DNAI3: variants seen among roughly 807,000 people sequenced by gnomAD.
DNAI3 encodes the protein WD repeat domain 63.
A neutral mutation model predicts 115.5 loss-of-function variants in DNAI3; 83 were observed. The ratio of observed to expected loss-of-function variants is 0.72; its 90% CI spans 0.60 to 0.86. The LOEUF (loss-of-function observed/expected upper bound fraction) is 0.86. DNAI3 is among the 40% of genes least tolerant of loss of function. The pLI is 0.00. For synonymous variants in DNAI3, 320 were observed against 347.0 expected (o/e 0.92, Z 0.86); for missense variants, 1,004 against 1,075.8 (o/e 0.93, Z 0.93).
chr1:85,085,466 G>T (rs1017016352), intron 6 of DNAI3, among the ~76,000 whole-genome samples: 1 of 152,206 alleles, frequency 6.6e-6, no homozygotes, highest in Non-Finnish European at 1.5e-5. Flanking sequence ...GCAAAAGTCT[G>T]CAGAGGGAAG....
chr1:85,098,160 C>G (rs1435125871), intron 12 of DNAI3, among the ~76,000 whole-genome samples: 1 of 152,100 alleles, frequency 6.6e-6, no homozygotes. Context: ...ACCTACCCAC[C>G]ATATTATGCA....
chr1:85,128,597 C>T (rs1484624787), intron 20 of DNAI3, 111 bp from the exon 21 acceptor site: 1 of 786,588 alleles, frequency 1.3e-6, no homozygotes, highest in Non-Finnish European at 2.1e-6. Flanking sequence ...TCACTGGAAC[C>T]ACAGCAGGTC....
chr1:85,105,166 T>A (rs1200480686), intron 14 of DNAI3, among the ~76,000 whole-genome samples: 1 of 151,936 alleles, frequency 6.6e-6, no homozygotes, highest in Non-Finnish European at 1.5e-5. Context: ...TTGACCCCAG[T>A]GGAAACAATG....
intron 4 of DNAI3, 137 bp from the exon 5 acceptor site, chr1:85,082,163 G>A: frequency 1.5e-6 from 1 of 659,570 alleles, no homozygotes; most frequent in Middle Eastern, 4.2e-4. Flanking sequence ...TTGCAATTTG[G>A]TGTTATCAGC....
Position 85,126,544 on chromosome 1 carries a change from A to G in DNAI3, c.2146A>G (p.Lys716Glu), listed in dbSNP as rs746201858. 66 of 1,614,026 alleles carry G rather than the reference A, an allele frequency of 4.1e-5. No homozygotes were observed. The highest frequency in any genetic ancestry group is 5.1e-5 in the Non-Finnish European group (60 of 1,180,006). ...GCTCCTTCAGTCATGCTGTGCACCAAAAAGGTACACCTCAGGCCACTGGTC... is the reference window on the plus strand; with the variant it reads ...GCTCCTTCAGTCATGCTGTGCACCAGAAAGGTACACCTCAGGCCACTGGTC... ...GPLLQSCCAP[K>E]RYTSGHWSLT... is the part of the protein sequence containing the mutation. Residue 716 changes from lysine (K) to glutamate (E), a missense_variant, in exon 20 of 23, where the codon AAA (lysine) becomes GAA (glutamate). Transcript: ENST00000294664.
At chr1:85,065,276 A>C (rs950345885) in intron 1 of DNAI3, among the ~76,000 whole-genome samples, 3 of 152,142 alleles carry the variant, frequency 2.0e-5, no homozygotes, top group African/African-American at 7.2e-5. Context: ...GCAACAAATG[A>C]GAGCATGTAA....
intron 3 of DNAI3, among the ~76,000 whole-genome samples, chr1:85,074,360 G>A (rs145066244): frequency 6.6e-6 from 1 of 152,294 alleles, no homozygotes; most frequent in East Asian, 1.9e-4. Flanking sequence ...ACAACTTGCA[G>A]TGGTCCTGGC....
At chr1:85,102,870 A>G (rs986845124) in intron 13 of DNAI3, among the ~76,000 whole-genome samples, 1 of 152,234 alleles carries the variant, frequency 6.6e-6, no homozygotes, top group Non-Finnish European at 1.5e-5. Context: ...CCAAACTTCT[A>G]TAATACTGTT....
intron 19 of DNAI3, 97 bp downstream of exon 19, chr1:85,124,348 G>A (rs817473): frequency 0.079 from 123,143 of 1,560,920 alleles, 5,911 homozygotes; most frequent in African/African-American, 0.18. Context: ...GTGCCTTTGG[G>A]ACACTTTTTA....
At chr1:85,108,903 C>T (rs1655574711) in intron 15 of DNAI3, among the ~76,000 whole-genome samples, 1 of 152,132 alleles carries the variant, frequency 6.6e-6, no homozygotes, top group Admixed American at 6.5e-5. Flanking sequence ...AATAATTATC[C>T]AATAGCATGT....
intron 3 of DNAI3, among the ~76,000 whole-genome samples, chr1:85,073,347 A>G (rs963382657): frequency 6.6e-6 from 1 of 152,252 alleles, no homozygotes; most frequent in Non-Finnish European, 1.5e-5. Flanking sequence ...AAGGCCTTTT[A>G]TAACTATAAA....
At chr1:85,111,509 G>T (rs757376280) in intron 16 of DNAI3, among the ~76,000 whole-genome samples, 3 of 152,130 alleles carry the variant, frequency 2.0e-5, no homozygotes, top group Non-Finnish European at 4.4e-5. Context: ...TTTGTGCTAG[G>T]CCCCAGGGGT....
At chr1:85,095,790 A>G in intron 10 of DNAI3, 141 bp from the exon 11 acceptor site, 1 of 754,454 alleles carries the variant, frequency 1.3e-6, no homozygotes, top group Admixed American at 2.5e-5. Flanking sequence ...GTCCAGAGGC[A>G]GAACTCTGAG....
At chr1:85,079,195 T>C (rs1654551280) in intron 3 of DNAI3, among the ~76,000 whole-genome samples, 1 of 152,210 alleles carries the variant, frequency 6.6e-6, no homozygotes. Flanking sequence ...GAGTACTTGA[T>C]TCGAATCAAG....
intron 1 of DNAI3, among the ~76,000 whole-genome samples, chr1:85,065,535 C>A (rs1654071832): frequency 6.6e-6 from 1 of 152,168 alleles, no homozygotes; most frequent in African/African-American, 2.4e-5. Flanking sequence ...GTTGGACAGG[C>A]AGTTCCTGGG....
chr1:85,069,695 G>A (rs1809248), intron 1 of DNAI3, among the ~76,000 whole-genome samples: 92,698 of 151,820 alleles, frequency 0.61, 28,810 homozygotes, highest in Admixed American at 0.71. Flanking sequence ...CAGCCTGGGC[G>A]ACAGAGCAAG....
Position 85,121,674 on chromosome 1 carries a change from A to C in DNAI3, c.1918-77A>C, listed in dbSNP as rs1425552748. ...TTTGCATTTGTTTTGCTTAACAGTC[A>C]ATCTTAGCACATGAGTGTGAAGTCT... On this transcript the variant is annotated intron_variant, in intron 17 of 22. Coordinates refer to ENST00000294664, the MANE Select transcript of DNAI3 (RefSeq NM_145172.5). 2.2e-6 allele frequency: 3 copies of C among 1,336,966 alleles called. No individual in the cohort carries two copies. The African/African-American group carries it at 4.4e-5, about 20-fold the overall frequency. The allele number at this position is 1,336,966 out of a possible 1,614,324, so 82.8% of individuals were successfully genotyped here. A position where few individuals can be genotyped will look rare whatever the true frequency, so the allele number is the denominator to read the frequency against.
chr1:85,132,789 C>A, intron 22 of DNAI3, 66 bp from the exon 23 acceptor site: 1 of 1,570,036 alleles, frequency 6.4e-7, no homozygotes, highest in Non-Finnish European at 8.6e-7. Context: ...ACAGCCCCTT[C>A]TCATCCTTTG....
chr1:85,084,824 C>T, intron 6 of DNAI3, 129 bp downstream of exon 6: 2 of 944,122 alleles, frequency 2.1e-6, no homozygotes, highest in Non-Finnish European at 1.4e-6. Flanking sequence ...TTTTGGTTTG[C>T]TTTTATAGAA....
Sources: gnomAD v4.1 joint callset for allele counts (sites outside exome capture counted in the v4.1 genomes callset) on GRCh38, gnomAD v4.1.1 for gene constraint, MANE v1.5 for transcripts, NCBI Gene and HGNC (gene_info 2026-07-23, HGNC 2026-07-21) for gene names.